Variants in SYCE3 observed in about 807,000 individuals in gnomAD.
SYCE3 encodes testis highly expressed gene 2 protein.
SYCE3 carries 3 observed loss-of-function variants against 8.1 expected under a neutral mutation model. That is an observed-to-expected ratio of 0.37 (90% CI 0.17 to 0.96). SYCE3 has a LOEUF of 0.96. Ranked by LOEUF, SYCE3 falls within the 40% of genes least tolerant of loss-of-function variation. The pLI is 0.41. For synonymous variants in SYCE3, 36 were observed against 38.7 expected (o/e 0.93, Z 0.26); for missense variants, 83 against 110.0 (o/e 0.75, Z 1.10).
At chr22:50,560,645 C>G (rs1243938931) in intron 1 of SYCE3, among the ~76,000 whole-genome samples, 1 of 152,104 alleles carries the variant, frequency 6.6e-6, no homozygotes, top group Non-Finnish European at 1.5e-5. Context: ...CAGGAGGTAA[C>G]TAGAAGGTGA....
chr22:50,556,984 C>A (rs1282610377), intron 1 of SYCE3, among the ~76,000 whole-genome samples: 1 of 151,984 alleles, frequency 6.6e-6, no homozygotes, highest in Non-Finnish European at 1.5e-5. Flanking sequence ...AAATTATAAT[C>A]AACTTAACTT....
intron 1 of SYCE3, among the ~76,000 whole-genome samples, chr22:50,558,641 C>T (rs6010004): frequency 8.3e-4 from 126 of 152,178 alleles, no homozygotes; most frequent in African/African-American, 2.8e-3. Context: ...GCAGGGACTC[C>T]GTCCTGCTTT....
At chr22:50,554,403 CTGTT>C (rs1432933241) in intron 2 of SYCE3, among the ~76,000 whole-genome samples, 1 of 151,850 alleles carries the variant, frequency 6.6e-6, no homozygotes, top group Non-Finnish European at 1.5e-5. Flanking sequence ...CTACATAAAA[CTGTT>C]TGCTGGCTGG....
chr22:50,553,794 G>T (rs568358629), intron 2 of SYCE3, among the ~76,000 whole-genome samples: 1 of 152,134 alleles, frequency 6.6e-6, no homozygotes, highest in Non-Finnish European at 1.5e-5. Context: ...TATTGCCCAG[G>T]CTGGTCTCAA....
intron 2 of SYCE3, among the ~76,000 whole-genome samples, chr22:50,554,153 C>T (rs2069836326): frequency 6.6e-6 from 1 of 150,788 alleles, no homozygotes; most frequent in African/African-American, 2.4e-5. Flanking sequence ...CGAGATTGTG[C>T]CACTGCACTC....
intron 2 of SYCE3, among the ~76,000 whole-genome samples, chr22:50,551,763 G>C (rs1463695905): frequency 6.6e-6 from 1 of 152,192 alleles, no homozygotes; most frequent in Admixed American, 6.5e-5. Flanking sequence ...CCCCTAAGGA[G>C]TCATCCACCC....
intron 1 of SYCE3, among the ~76,000 whole-genome samples, chr22:50,561,459 C>T (rs1343857406): frequency 1.4e-5 from 2 of 147,292 alleles, no homozygotes. Context: ...AGAAAGAGGC[C>T]TGAGCCCGCA....
chr22:50,551,301 C>G lies in SYCE3; in HGVS notation c.211G>C (p.Glu71Gln). 6.4e-7 allele frequency: 1 copy of G among 1,551,412 alleles called. No individual in the cohort carries two copies. Among genetic ancestry groups the G allele is most frequent in the Non-Finnish European group, 8.7e-7 (1 of 1,146,978 alleles). Residue 71 changes from glutamate (E) to glutamine (Q), a missense_variant, in exon 3 of 3, where the codon GAG becomes CAG. Physicochemically the swap from Glu to Gln is conservative, Grantham distance 29 (BLOSUM62 2). Transcript: ENST00000406915. Reference sequence around the variant, plus strand: ...TCTTGCCAGTTCTTCTCCATCTCCTCCTTGCAGTTGACGAAGGCATCCTCC... The same window carrying G: ...TCTTGCCAGTTCTTCTCCATCTCCTGCTTGCAGTTGACGAAGGCATCCTCC... ...RLEDAFVNCK[E>Q]EMEKNWQELL...
At chr22:50,552,323 C>T (rs2069817132) in intron 2 of SYCE3, among the ~76,000 whole-genome samples, 1 of 152,184 alleles carries the variant, frequency 6.6e-6, no homozygotes, top group Non-Finnish European at 1.5e-5. Flanking sequence ...CAGCTCCCCA[C>T]CTGACGACTC....
In SYCE3 at chr22:50,551,227, GT is replaced by G. The variant is rs750817575; in HGVS notation, c.*17del. On this transcript the variant is annotated 3_prime_UTR_variant, in exon 3 of 3. Transcript: ENST00000406915. Reference sequence around the variant, plus strand: ...ACGGGCAGAGGGTGGCATGGCAGCTGTGGTGGGCCAGTGGGGCCTACAGCCT... The same window carrying G: ...ACGGGCAGAGGGTGGCATGGCAGCTGGGTGGGCCAGTGGGGCCTACAGCCT... The G allele has an allele frequency of 1.3e-6, 2 of 1,550,382 alleles. No individual in the cohort carries two copies. The highest frequency in any genetic ancestry group is 1.7e-6 in the Non-Finnish European group (2 of 1,146,230).
chr22:50,553,802 C>T (rs1038241814), intron 2 of SYCE3, among the ~76,000 whole-genome samples: 26 of 152,068 alleles, frequency 1.7e-4, no homozygotes, highest in African/African-American at 6.0e-4. Flanking sequence ...AGGCTGGTCT[C>T]AAACTCCTGA....
chr22:50,558,501 T>C (rs1392236300), intron 1 of SYCE3, among the ~76,000 whole-genome samples: 1 of 152,030 alleles, frequency 6.6e-6, no homozygotes, highest in Non-Finnish European at 1.5e-5. Context: ...GTAGAGATTC[T>C]GAGGGAGGAG....
At chr22:50,553,270 G>GT (rs1399211452) in intron 2 of SYCE3, among the ~76,000 whole-genome samples, 2 of 151,860 alleles carry the variant, frequency 1.3e-5, no homozygotes, top group Non-Finnish European at 1.5e-5. Flanking sequence ...CAGCCATAAC[G>GT]TTTTTTTGAG....
chr22:50,558,373 G>A (rs985123385), intron 1 of SYCE3, among the ~76,000 whole-genome samples: 1 of 152,040 alleles, frequency 6.6e-6, no homozygotes, highest in Non-Finnish European at 1.5e-5. Context: ...GGAGGTTGCA[G>A]TGAGCCGAGA....
At chr22:50,552,778 G>A (rs2069823178) in intron 2 of SYCE3, among the ~76,000 whole-genome samples, 1 of 152,164 alleles carries the variant, frequency 6.6e-6, no homozygotes, top group African/African-American at 2.4e-5. Flanking sequence ...AGGAGGTCGG[G>A]TCTTTTGGAG....
At chr22:50,560,742 A>G (rs911710438) in intron 1 of SYCE3, among the ~76,000 whole-genome samples, 3 of 152,156 alleles carry the variant, frequency 2.0e-5, no homozygotes, top group Non-Finnish European at 4.4e-5. Flanking sequence ...CTGAAGAATC[A>G]GAAGAAAGGG....
At chr22:50,555,793 CTTTT>C (rs35962439) in intron 2 of SYCE3, among the ~76,000 whole-genome samples, 3 of 124,434 alleles carry the variant, frequency 2.4e-5, no homozygotes, top group African/African-American at 5.9e-5. Flanking sequence ...CAATGTACAT[CTTTT>C]TTTTTTTTTT....
chr22:50,557,157 GTT>G (rs60714079), intron 1 of SYCE3, among the ~76,000 whole-genome samples: 10,528 of 137,928 alleles, frequency 0.076, 843 homozygotes, highest in African/African-American at 0.2. Context: ...ATTTTTTTGA[GTT>G]TTTTTTTTTT....
chr22:50,560,968 C>T (rs968484287), intron 1 of SYCE3, among the ~76,000 whole-genome samples: 3 of 152,058 alleles, frequency 2.0e-5, no homozygotes, highest in Non-Finnish European at 2.9e-5. Flanking sequence ...TTGAGGAGAA[C>T]GATAAAGCTT....
Sources: allele counts gnomAD v4.1 joint callset (sites outside exome capture counted in the v4.1 genomes callset), GRCh38; gene constraint gnomAD v4.1.1; transcripts MANE v1.5; gene names NCBI Gene and HGNC (gene_info 2026-07-23, HGNC 2026-07-21).